The following SMC1B variants were observed in gnomAD, a reference collection of about 807,000 sequenced individuals.
SMC1B encodes the protein structural maintenance of chromosomes protein 1B.
SMC1B carries 60 observed loss-of-function variants against 157.9 expected under a neutral mutation model. The observed-to-expected ratio is 0.38, with a 90% CI of 0.31 to 0.47. SMC1B has a LOEUF of 0.47. Among genes scored for constraint, SMC1B ranks in the 20% least tolerant of loss-of-function variants. SMC1B has a pLI of 0.99. For synonymous variants in SMC1B, 445 were observed against 483.0 expected, an observed-to-expected ratio of 0.92 and a Z score of 1.03; for missense variants, 1,165 against 1,426.2, an observed-to-expected ratio of 0.82 and a Z score of 2.95.
intron 13 of SMC1B, 57 bp from the exon 14 acceptor site, chr22:45,371,644 AGCC>A: frequency 6.5e-7 from 1 of 1,530,422 alleles, no homozygotes; most frequent in Non-Finnish European, 8.7e-7. Context: ...TATATAGTGA[AGCC>A]AAAAATGTGA....
At position 45,370,018 on chromosome 22, in the gene SMC1B, C is replaced by A; in HGVS notation, c.2356G>T (p.Val786Leu). The part of the protein sequence containing the change: ...IFQHFCEEIG[V>L]ENIREFENKH... ...TTCTCAAATTCACGAATATTTTCCA[C>A]GCCAATTTCTTCACAGAAGTGTTGG... The change falls in exon 15 of 25, where the codon GTG (valine) becomes TTG (leucine). Residue 786 changes from valine (V) to leucine (L), a missense_variant. Coordinates refer to ENST00000357450, the MANE Select transcript of SMC1B (RefSeq NM_148674.5). 2.5e-6 allele frequency: 4 copies of A among 1,596,374 alleles called. No homozygotes were observed. Among genetic ancestry groups the A allele is most frequent in the South Asian group, 1.2e-5 (1 of 86,928 alleles).
intron 12 of SMC1B, among the ~76,000 whole-genome samples, chr22:45,373,420 G>T (rs1286833934): frequency 6.6e-6 from 1 of 152,162 alleles, no homozygotes; most frequent in East Asian, 1.9e-4. Flanking sequence ...CATCATCTTG[G>T]TTGAACATTA....
chr22:45,372,082 T>G, intron 13 of SMC1B, 73 bp downstream of exon 13: 1 of 1,263,890 alleles, frequency 7.9e-7, no homozygotes, highest in Non-Finnish European at 1.1e-6. Context: ...TACATGGAGC[T>G]ATATAAATGT....
At chr22:45,369,286 C>T (rs2086806533) in intron 15 of SMC1B, among the ~76,000 whole-genome samples, 1 of 151,508 alleles carries the variant, frequency 6.6e-6, no homozygotes, top group African/African-American at 2.4e-5. Flanking sequence ...TTAGTAGAGA[C>T]GGGGTTTCAC....
chr22:45,361,607 A>G (rs1173295617), intron 17 of SMC1B, among the ~76,000 whole-genome samples: 1 of 152,220 alleles, frequency 6.6e-6, no homozygotes, highest in Non-Finnish European at 1.5e-5. Context: ...CCTGGGCAAC[A>G]AAGGGAGACT....
chr22:45,386,291 C>G (rs2146819260), intron 11 of SMC1B, among the ~76,000 whole-genome samples: 1 of 151,916 alleles, frequency 6.6e-6, no homozygotes, highest in East Asian at 1.9e-4. Context: ...TAACATTGCT[C>G]AACTAAATAC....
At chr22:45,392,723 C>T (rs2087074874) in intron 9 of SMC1B, among the ~76,000 whole-genome samples, 1 of 151,884 alleles carries the variant, frequency 6.6e-6, no homozygotes, top group African/African-American at 2.4e-5. Flanking sequence ...TTTTTGGAGA[C>T]AGAGTCTCAC....
intron 12 of SMC1B, among the ~76,000 whole-genome samples, chr22:45,382,909 G>A (rs1265339529): frequency 6.6e-6 from 1 of 152,168 alleles, no homozygotes; most frequent in South Asian, 2.1e-4. Context: ...CAAGGCAGGC[G>A]GATCAACTGA....
chr22:45,404,503 A>G (rs1490684011), intron 4 of SMC1B, among the ~76,000 whole-genome samples: 2 of 152,182 alleles, frequency 1.3e-5, no homozygotes, highest in Non-Finnish European at 2.9e-5. Flanking sequence ...TTCAAGTCTG[A>G]TAAGAAACAT....
At chr22:45,390,634 G>A (rs136599) in intron 9 of SMC1B, among the ~76,000 whole-genome samples, 18,322 of 151,338 alleles carry the variant, frequency 0.12, 1,271 homozygotes, top group South Asian at 0.23. Context: ...GAACTCGGGA[G>A]GCAGAGGTTG....
At chr22:45,387,816 G>C (rs1279821737) in intron 10 of SMC1B, among the ~76,000 whole-genome samples, 1 of 152,122 alleles carries the variant, frequency 6.6e-6, no homozygotes, top group Admixed American at 6.5e-5. Context: ...TGGATCACCT[G>C]AGGTCAGGAG....
chr22:45,408,810 A>G lies in SMC1B; in HGVS notation c.198T>C (p.His66=), dbSNP rs2087294675. The part of the protein sequence containing the change: ...LRVKNIQELI[H]GAHIGKPISS... ...AAATAGGTTTTCCAATATGTGCTCC[A>G]TGAATGAGTTCTTGAATATTTTTCA... Residue 66 remains histidine (H), a synonymous_variant, in exon 2 of 25, where the codon CAT becomes CAC. Coordinates refer to ENST00000357450, the MANE Select transcript of SMC1B (RefSeq NM_148674.5). 1 of 1,578,480 alleles carries G rather than the reference A, an allele frequency of 6.3e-7. No homozygotes were observed. Among genetic ancestry groups the G allele is most frequent in the Non-Finnish European group, 8.6e-7 (1 of 1,165,660 alleles).
chr22:45,389,850 C>T lies in SMC1B; in HGVS notation c.1593G>A (p.Gln531=), dbSNP rs1410697081. 6.2e-7 allele frequency: 1 copy of T among 1,614,066 alleles called. No homozygotes were observed. The highest frequency in any genetic ancestry group is 8.5e-7 in the Non-Finnish European group (1 of 1,179,988). ...GGCCAAAAACCTTAGTAACAGCCAG[C>T]TGGTATTTCTTATGAATAGGATGAC... ...DLCHPIHKKY[Q]LAVTKVFGRF... is the part of the protein sequence containing the mutation. The change falls in exon 10 of 25, where the codon CAG becomes CAA. Residue 531 remains glutamine, a synonymous_variant. Transcript: ENST00000357450.
chr22:45,384,215 T>C (rs1038504687), intron 11 of SMC1B, among the ~76,000 whole-genome samples: 1 of 152,206 alleles, frequency 6.6e-6, no homozygotes, highest in African/African-American at 2.4e-5. Context: ...TCCTTGCCCA[T>C]TTTCCCACTA....
chr22:45,402,299 A>T (rs2087204997), intron 5 of SMC1B, 34 bp downstream of exon 5: 2 of 1,416,638 alleles, frequency 1.4e-6, no homozygotes, highest in Non-Finnish European at 9.9e-7. Context: ...GCTACATATA[A>T]CCCAACTGTT....
In SMC1B at chr22:45,399,129, T is replaced by G. The variant is rs1602091861; in HGVS notation, c.1079A>C (p.His360Pro). Residue 360 changes from histidine to proline, a missense_variant, in exon 6 of 25, where the codon CAT becomes CCT. Transcript: ENST00000357450. ...TTCCAGTTCAATGTCTCGCTTTTTA[T>G]GTAAAATTTCTTCCTCAATCTGCTT... ...FEKQIEEEILHKKRDIELEAS... is the reference protein window; with the variant it reads ...FEKQIEEEILPKKRDIELEAS... 1 of 1,613,796 alleles carries G rather than the reference T, an allele frequency of 6.2e-7. No individual in the cohort carries two copies. Among genetic ancestry groups the G allele is most frequent in the South Asian group, 1.1e-5 (1 of 90,954 alleles).
chr22:45,362,868 T>C lies in SMC1B; in HGVS notation c.2562+17A>G, dbSNP rs2086735142. ...AATTTCAATGAAGAGGCACTTCAGC[T>C]ACCCATTATTAATTACCTTCTTTAG... is the stretch of plus-strand genomic sequence containing the variant. On this transcript the variant is annotated intron_variant, in intron 16 of 24. Coordinates refer to ENST00000357450, the MANE Select transcript of SMC1B (RefSeq NM_148674.5). The C allele has an allele frequency of 6.3e-7, 1 of 1,580,216 alleles. No homozygotes were observed.
rs1368768818 is a variant in SMC1B, at chr22:45,413,582, C to G, written c.-15G>C. The G allele has an allele frequency of 1.3e-6, 2 of 1,586,032 alleles. No homozygotes were observed. Among genetic ancestry groups the G allele is most frequent in the South Asian group, 2.3e-5 (2 of 87,450 alleles). On this transcript the variant is annotated 5_prime_UTR_variant, in exon 1 of 25. Transcript: ENST00000357450. ...AGGTGGGCCATGGCGCCGCCCTCCA[C>G]GCCTCACCCGCGTTATCAAGCGCCC...
intron 6 of SMC1B, among the ~76,000 whole-genome samples, chr22:45,397,464 G>A (rs1050735984): frequency 6.6e-6 from 1 of 152,150 alleles, no homozygotes; most frequent in African/African-American, 2.4e-5. Flanking sequence ...GCAGGAGACA[G>A]ACAAATCCTA....
Sources: gnomAD v4.1 joint callset for allele counts (sites outside exome capture counted in the v4.1 genomes callset) on GRCh38, gnomAD v4.1.1 for gene constraint, MANE v1.5 for transcripts, NCBI Gene and HGNC (gene_info 2026-07-23, HGNC 2026-07-21) for gene names.